ASXL2: variants seen among roughly 807,000 people sequenced by gnomAD.
ASXL2 encodes ASXL transcriptional regulator 2, also known as putative Polycomb group protein ASXL2.
Under a neutral mutation model 122.0 loss-of-function variants are expected in ASXL2, and 23 were observed. The ratio of observed to expected loss-of-function variants is 0.19; its 90% CI spans 0.14 to 0.27. The LOEUF (loss-of-function observed/expected upper bound fraction) is 0.27. Ranked by LOEUF, ASXL2 falls within the 10% of genes least tolerant of loss-of-function variation. ASXL2 has a pLI of 1.00. For missense variants in ASXL2, 1,518 were observed against 1,713.8 expected (o/e 0.89, Z 2.02); for synonymous variants, 650 against 637.0 (o/e 1.02, Z -0.31).
chr2:25,844,972 A>G (rs751048372), intron 2 of ASXL2, among the ~76,000 whole-genome samples: 2 of 152,158 alleles, frequency 1.3e-5, no homozygotes, highest in African/African-American at 2.4e-5. Context: ...TAGAAATTAA[A>G]GTCTGTGTTA....
chr2:25,823,013 T>C, intron 3 of ASXL2: 1 of 503,530 alleles, frequency 2.0e-6, no homozygotes, highest in Non-Finnish European at 4.0e-6. Context: ...ATTTCACAAT[T>C]GAGAGAATTC....
chr2:25,751,575 A>C (rs1259622418), intron 11 of ASXL2, among the ~76,000 whole-genome samples: 1 of 152,016 alleles, frequency 6.6e-6, no homozygotes, highest in East Asian at 1.9e-4. Context: ...TTAAGGCTAC[A>C]GTGAACCGTG....
At position 25,744,464 on chromosome 2, in the gene ASXL2, T is replaced by C; in HGVS notation, c.1873A>G (p.Arg625Gly). Residue 625 changes from arginine to glycine, a missense_variant, in exon 13 of 13, where the codon AGA (arginine) becomes GGA (glycine). Physicochemically the swap from Arg to Gly is moderately radical, Grantham distance 125. This residue lies in a region of ASXL2 where 292 missense variants were observed against 293.5 expected (regional missense o/e 1.00). Transcript: ENST00000435504. This position sits in a 1 kb window ranked among gnomAD's most constrained non-coding sequence, Gnocchi z 4.7. ...GGATGAAACGGCATGGGGGAGATTC[T>C]GGAGACCGGGATCTGAAAGAAGTAG... Reference protein sequence around the residue: ...KVPPLKIPVSRISPMPFHPSQ... With the variant: ...KVPPLKIPVSGISPMPFHPSQ... The C allele has an allele frequency of 6.3e-7, 1 of 1,596,034 alleles. No individual in the cohort carries two copies. Among genetic ancestry groups the C allele is most frequent in the Non-Finnish European group, 8.5e-7 (1 of 1,174,552 alleles).
chr2:25,746,808 C>G (rs2087950720), intron 12 of ASXL2, among the ~76,000 whole-genome samples: 1 of 152,170 alleles, frequency 6.6e-6, no homozygotes, highest in Non-Finnish European at 1.5e-5. Flanking sequence ...AAGTACAAAA[C>G]CAAAGCTGTC....
chr2:25,828,809 T>C (rs2089410679), intron 3 of ASXL2, among the ~76,000 whole-genome samples: 1 of 118,392 alleles, frequency 8.4e-6, no homozygotes, highest in African/African-American at 3.4e-5. Flanking sequence ...CAGGCAACAG[T>C]GTGAGACTGT....
Position 25,749,748 on chromosome 2 carries a change from G to C in ASXL2, c.1808C>G (p.Pro603Arg). The change falls in exon 12 of 13, where the codon CCC becomes CGC. Residue 603 changes from proline (P) to arginine (R), a missense_variant. By Grantham distance (103) the Pro-to-Arg change is moderately radical (BLOSUM62 -2). Coordinates refer to ENST00000435504, the MANE Select transcript of ASXL2 (RefSeq NM_018263.6). ...GATTCTGTCCCCTCTATTGAGAAAGGGCTGTGGTGAGACCTGAAATGGCTG... is the reference window on the plus strand; with the variant it reads ...GATTCTGTCCCCTCTATTGAGAAAGCGCTGTGGTGAGACCTGAAATGGCTG... ...HQQPFQVSPQ[P>R]FLNRGDRIQV... is the part of the protein sequence containing the mutation. The C allele has an allele frequency of 2.5e-6, 4 of 1,571,700 alleles. No homozygotes were observed. Among genetic ancestry groups the C allele is most frequent in the Non-Finnish European group, 3.4e-6 (4 of 1,165,236 alleles).
At chr2:25,846,066 T>C (rs549812216) in intron 1 of ASXL2, among the ~76,000 whole-genome samples, 84 of 152,292 alleles carry the variant, frequency 5.5e-4, no homozygotes, top group African/African-American at 1.9e-3. Context: ...CCTGATTTTG[T>C]TTCCCTCTGG....
rs1047623613 is a variant in ASXL2 at position 25,856,726 on chromosome 2, C to T, written c.58-11163G>A. ...ACCTGGATCGATTCAGTCACCGAGCCGATCTGGTTGACCTTCAGCAGCAGA... is the reference window on the plus strand; with the variant it reads ...ACCTGGATCGATTCAGTCACCGAGCTGATCTGGTTGACCTTCAGCAGCAGA... On this transcript the variant is annotated intron_variant, in intron 1 of 12. Coordinates refer to ENST00000435504, the MANE Select transcript of ASXL2 (RefSeq NM_018263.6). 40 of 1,299,478 alleles carry T rather than the reference C, an allele frequency of 3.1e-5. No individual in the cohort carries two copies. The Middle Eastern group carries it at 5.6e-4, about 18-fold the overall frequency. 80.5% of individuals were successfully genotyped at this position (1,299,478 alleles called of 1,614,324 possible). A position where few individuals can be genotyped will look rare whatever the true frequency, so the allele number is the denominator to read the frequency against.
chr2:25,874,112 G>A (rs906204197), intron 1 of ASXL2, among the ~76,000 whole-genome samples: 17 of 152,288 alleles, frequency 1.1e-4, no homozygotes, highest in African/African-American at 4.1e-4. Context: ...GAGAGGCTGA[G>A]GCAGGCAGAT....
intron 5 of ASXL2, among the ~76,000 whole-genome samples, chr2:25,784,937 C>T (rs1408240295): frequency 2.0e-5 from 3 of 152,168 alleles, no homozygotes; most frequent in Non-Finnish European, 4.4e-5. Flanking sequence ...TTTATTTAGC[C>T]TATTTTCCAG....
intron 12 of ASXL2, among the ~76,000 whole-genome samples, chr2:25,746,600 C>G (rs945201621): frequency 2.0e-5 from 3 of 151,776 alleles, no homozygotes; most frequent in Non-Finnish European, 1.5e-5. Flanking sequence ...TAAGAATACT[C>G]GTGAGAGTAA....
chr2:25,810,146 A>G, intron 3 of ASXL2: 1 of 562,012 alleles, frequency 1.8e-6, no homozygotes, highest in Admixed American at 1.9e-5. Flanking sequence ...ACTTTTCTTC[A>G]GCATCACTCA....
intron 8 of ASXL2, among the ~76,000 whole-genome samples, chr2:25,765,632 C>T (rs2088334770): frequency 6.6e-6 from 1 of 152,084 alleles, no homozygotes; most frequent in South Asian, 2.1e-4. Flanking sequence ...GGAAATGGTG[C>T]TTTCTTTTTT....
intron 10 of ASXL2, among the ~76,000 whole-genome samples, chr2:25,755,132 A>G (rs2088111924): frequency 1.3e-5 from 2 of 152,190 alleles, no homozygotes; most frequent in Non-Finnish European, 2.9e-5. Flanking sequence ...GCTATTTTTT[A>G]TTCCATGTAT....
intron 6 of ASXL2, among the ~76,000 whole-genome samples, chr2:25,769,479 A>G (rs1035743310): frequency 2.0e-5 from 3 of 152,184 alleles, no homozygotes; most frequent in African/African-American, 7.2e-5. Flanking sequence ...GGAAGACTAG[A>G]CAATACTGGT....
chr2:25,768,124 A>C (rs1490064582), intron 7 of ASXL2, among the ~76,000 whole-genome samples: 1 of 152,206 alleles, frequency 6.6e-6, no homozygotes, highest in Admixed American at 6.5e-5. Flanking sequence ...AAAGAAACTC[A>C]AAGGTTGTAT....
chr2:25,737,237 C>T lies in ASXL2; in HGVS notation c.*4792G>A, dbSNP rs1574385640. 6.6e-6 allele frequency: 1 copy of T among 152,044 alleles called. No homozygotes were observed. Among genetic ancestry groups the T allele is most frequent in the East Asian group, 1.9e-4 (1 of 5,172 alleles). 9.4% of individuals were successfully genotyped at this position (152,044 alleles called of 1,614,324 possible). ...GAAACGGAAAAAAAAAAATTTCTAT[C>T]ATCTTCAAGAAACTATTTCTTCACA... On this transcript the variant is annotated 3_prime_UTR_variant, in exon 13 of 13. Coordinates refer to ENST00000435504, the MANE Select transcript of ASXL2 (RefSeq NM_018263.6).
At chr2:25,756,465 G>GAAAAAAAAAAAAAAAAAAAA (rs71399321) in intron 9 of ASXL2, among the ~76,000 whole-genome samples, 4 of 91,382 alleles carry the variant, frequency 4.4e-5, no homozygotes, top group Non-Finnish European at 6.8e-5. Context: ...AAAAAAAAAA[G>GAAAAAAAAAAAAAAAAAAAA]AAAAAAAAAA....
intron 5 of ASXL2, among the ~76,000 whole-genome samples, chr2:25,783,822 G>A (rs1264406717): frequency 1.3e-5 from 2 of 151,994 alleles, no homozygotes; most frequent in East Asian, 3.9e-4. Flanking sequence ...TTGTGGGGCT[G>A]AGGTGGGAGG....
Sources: allele counts gnomAD v4.1 joint callset (sites outside exome capture counted in the v4.1 genomes callset), GRCh38; gene constraint gnomAD v4.1.1; regional missense constraint gnomAD v4.1.1; non-coding constraint Gnocchi (gnomAD v3.1); transcripts MANE v1.5; gene names NCBI Gene and HGNC (gene_info 2026-07-23, HGNC 2026-07-21).